AP4E1: variants seen among roughly 807,000 people sequenced by gnomAD.
AP4E1 encodes the protein adaptor related protein complex 4 subunit epsilon 1.
AP4E1 carries 56 observed loss-of-function variants against 128.2 expected under a neutral mutation model. That is an observed-to-expected ratio of 0.44 (90% CI 0.35 to 0.55). The LOEUF is 0.55. Among genes scored for constraint, AP4E1 ranks in the 20% least tolerant of loss-of-function variants. AP4E1 has a pLI of 0.00. For synonymous variants in AP4E1, 484 were observed against 473.1 expected (o/e 1.02, Z -0.30); for missense variants, 1,324 against 1,307.7 (o/e 1.01, Z -0.19).
chr15:50,986,477 G>A (rs919371243), intron 16 of AP4E1, among the ~76,000 whole-genome samples: 51 of 150,178 alleles, frequency 3.4e-4, no homozygotes, highest in Admixed American at 3.1e-3. Context: ...TTTGAGATAC[G>A]TCCCATCAAT....
intron 1 of AP4E1, among the ~76,000 whole-genome samples, chr15:50,910,189 G>A (rs62020195): frequency 1.3e-5 from 2 of 152,178 alleles, no homozygotes; most frequent in African/African-American, 4.8e-5. Flanking sequence ...ATTTCACCAT[G>A]TTGGGCAGGC....
intron 14 of AP4E1, among the ~76,000 whole-genome samples, chr15:50,966,051 G>T (rs1383570048): frequency 6.6e-6 from 1 of 152,032 alleles, no homozygotes; most frequent in Non-Finnish European, 1.5e-5. Context: ...CTGAGTAGCT[G>T]GGACTACAGG....
At chr15:50,936,494 A>G (rs1567221587) in intron 8 of AP4E1, among the ~76,000 whole-genome samples, 4 of 152,108 alleles carry the variant, frequency 2.6e-5, no homozygotes, top group Admixed American at 1.3e-4. Flanking sequence ...AAGGGTATAC[A>G]ATGAACAGTA....
At position 50,996,133 on chromosome 15, in the gene AP4E1, C is replaced by CT. The variant is rs2064869710; in HGVS notation, c.2347-1193_2347-1192insT. On this transcript the variant is annotated intron_variant, in intron 17 of 20. Coordinates refer to ENST00000261842, the MANE Select transcript of AP4E1 (RefSeq NM_007347.5). ...TCTCCCGAGTAGCTGGGATTACAGG[C>CT]ATGCGCTACCACGCCTGGCTAATTT... Among the ~76,000 whole-genome samples the CT allele has an allele frequency of 2.0e-5, 3 of 149,340 alleles. No homozygotes were observed. The South Asian group carries it at 6.4e-4, about 32-fold the overall frequency.
At chr15:50,978,294 G>A (rs2064586324) in intron 15 of AP4E1, among the ~76,000 whole-genome samples, 1 of 151,672 alleles carries the variant, frequency 6.6e-6, no homozygotes, top group Non-Finnish European at 1.5e-5. Flanking sequence ...AATAATAAGG[G>A]GAAACAGTAT....
Position 50,915,325 on chromosome 15 carries a change from A to G in AP4E1, c.223-123A>G, listed in dbSNP as rs147284215. ...GTCTGATATTGGGTGATTAATTTGT[A>G]ATATATATGTTATTTCTTCAGCACC... On this transcript the variant is annotated intron_variant, in intron 2 of 20. Coordinates refer to ENST00000261842, the MANE Select transcript of AP4E1 (RefSeq NM_007347.5). 298 of 995,678 alleles carry G rather than the reference A, an allele frequency of 3.0e-4. No homozygotes were observed. In the African/African-American group the frequency reaches 4.6e-3, roughly 15 times the overall value. The allele number at this position is 995,678 out of a possible 1,614,324, so 61.7% of individuals were successfully genotyped here.
chr15:50,922,286 C>T (rs1159890906), intron 3 of AP4E1, among the ~76,000 whole-genome samples: 2 of 151,748 alleles, frequency 1.3e-5, no homozygotes, highest in Non-Finnish European at 2.9e-5. Context: ...GAGTTTTGAT[C>T]GTGCCACTGC....
chr15:50,908,613 C>T (rs546316822), upstream of AP4E1: 52 of 928,212 alleles, frequency 5.6e-5, no homozygotes, highest in African/African-American at 7.8e-4. Context: ...CTCTGGTGGC[C>T]TCTCGCGAGA....
Position 50,928,023 on chromosome 15 carries a change from A to T in AP4E1, c.543-986A>T, listed in dbSNP as rs564140279. Among the ~76,000 whole-genome samples, 6 of 152,254 alleles carry T rather than the reference A, an allele frequency of 3.9e-5. No individual in the cohort carries two copies. The South Asian group carries it at 1.0e-3, about 26-fold the overall frequency. On this transcript the variant is annotated intron_variant, in intron 5 of 20. Coordinates refer to ENST00000261842, the MANE Select transcript of AP4E1 (RefSeq NM_007347.5). ...CATGAACATAGGATGGCATTTCTTT[A>T]TTTTTGCTTCTGTGTGCTAGATGTT... is the stretch of plus-strand genomic sequence containing the variant.
At position 50,908,898 on chromosome 15, in the gene AP4E1, C is replaced by G; in HGVS notation, c.120C>G (p.Val40=). 1 of 1,610,836 alleles carries G rather than the reference C, an allele frequency of 6.2e-7. No homozygotes were observed. Among genetic ancestry groups the G allele is most frequent in the Non-Finnish European group, 8.5e-7 (1 of 1,179,400 alleles). Reference sequence around the variant, plus strand: ...TCTCCTCGAGGCTGGGCAGCCTTGTCCGCGGCATCACAGCCCTCACCTCCA... The same window carrying G: ...TCTCCTCGAGGCTGGGCAGCCTTGTGCGCGGCATCACAGCCCTCACCTCCA... ...ASFSSRLGSL[V]RGITALTSKH... Residue 40 remains valine, a synonymous_variant, in exon 1 of 21, where the codon GTC becomes GTG. Transcript: ENST00000261842.
At chr15:50,944,171 A>G (rs917022859) in intron 10 of AP4E1, among the ~76,000 whole-genome samples, 2 of 152,180 alleles carry the variant, frequency 1.3e-5, no homozygotes, top group Non-Finnish European at 2.9e-5. Flanking sequence ...AGATGGCACT[A>G]AAGTACTGTC....
At chr15:50,968,175 A>G (rs2064420117) in intron 14 of AP4E1, 88 bp from the exon 15 acceptor site, 11 of 921,428 alleles carry the variant, frequency 1.2e-5, no homozygotes, top group Non-Finnish European at 1.8e-5. Context: ...TTTAAAAAAT[A>G]TATATGGGCT....
At chr15:50,920,064 G>T (rs1244120035) in intron 3 of AP4E1, among the ~76,000 whole-genome samples, 3 of 120,092 alleles carry the variant, frequency 2.5e-5, no homozygotes, top group African/African-American at 9.4e-5. Context: ...GCAACACAGC[G>T]ATAATATGTC....
At chr15:50,945,012 C>G in intron 10 of AP4E1, 1 of 771,798 alleles carries the variant, frequency 1.3e-6, no homozygotes, top group Non-Finnish European at 2.4e-6. Context: ...AATACGTACT[C>G]ACTTTTGTGG....
intron 7 of AP4E1, among the ~76,000 whole-genome samples, chr15:50,931,935 C>T (rs2063841240): frequency 1.3e-5 from 2 of 151,868 alleles, no homozygotes; most frequent in Non-Finnish European, 2.9e-5. Flanking sequence ...TTAAACTTCT[C>T]ATGTGTATCT....
At chr15:50,973,041 C>T (rs1567247558) in intron 15 of AP4E1, among the ~76,000 whole-genome samples, 2 of 152,040 alleles carry the variant, frequency 1.3e-5, no homozygotes, top group African/African-American at 2.4e-5. Flanking sequence ...TGGGAAAATA[C>T]GTCTGTCATG....
rs769024886 is a variant in AP4E1, at chr15:50,941,657, T to C, written c.1067-9T>C. On this transcript the variant is annotated splice_polypyrimidine_tract_variant and intron_variant, in intron 9 of 20. Transcript: ENST00000261842. ...CAATTCACTTTGTATAATGTGTCTT[T>C]GTTTCTAGGACTGAAGGCTCTTACC... The C allele has an allele frequency of 1.4e-5, 23 of 1,612,740 alleles. No homozygotes were observed. Among genetic ancestry groups the C allele is most frequent in the Middle Eastern group, 1.6e-4 (1 of 6,076 alleles).
At chr15:50,925,559 A>G (rs990986319) in intron 5 of AP4E1, among the ~76,000 whole-genome samples, 11 of 151,818 alleles carry the variant, frequency 7.2e-5, no homozygotes, top group African/African-American at 2.7e-4. Context: ...TTGGGGATAA[A>G]GTGAAATAAT....
intron 17 of AP4E1, among the ~76,000 whole-genome samples, chr15:50,996,649 A>G (rs2064878871): frequency 6.6e-6 from 1 of 152,080 alleles, no homozygotes; most frequent in African/African-American, 2.4e-5. Flanking sequence ...TCTAAATAGA[A>G]CTTTGCTAGG....
Sources: gnomAD v4.1 joint callset for allele counts (sites outside exome capture counted in the v4.1 genomes callset) on GRCh38, gnomAD v4.1.1 for gene constraint, MANE v1.5 for transcripts, NCBI Gene and HGNC (gene_info 2026-07-23, HGNC 2026-07-21) for gene names.